The following ZNF131 variants were observed in gnomAD, a reference collection of about 807,000 sequenced individuals.
ZNF131 encodes the protein zinc finger protein 131.
Under a neutral mutation model 60.0 loss-of-function variants are expected in ZNF131, and 7 were observed. The ratio of observed to expected loss-of-function variants is 0.12; its 90% CI spans 0.07 to 0.22. The LOEUF (loss-of-function observed/expected upper bound fraction) is 0.22. ZNF131 is among the 10% of genes least tolerant of loss of function. The pLI is 1.00. For synonymous variants in ZNF131, 257 were observed against 253.2 expected, an observed-to-expected ratio of 1.01 and a Z score of -0.14; for missense variants, 493 against 740.9, an observed-to-expected ratio of 0.67 and a Z score of 3.88.
In ZNF131 at chr5:43,176,235, T is replaced by A. The variant is rs898842788; in HGVS notation, c.*1102T>A. 6.6e-6 allele frequency: 1 copy of A among 152,144 alleles called. No individual in the cohort carries two copies. Among genetic ancestry groups the A allele is most frequent in the African/African-American group, 2.4e-5 (1 of 41,440 alleles). 9.4% of individuals were successfully genotyped at this position (152,144 alleles called of 1,614,324 possible). A position where few individuals can be genotyped will look rare whatever the true frequency, so the allele number is the denominator to read the frequency against. Reference sequence around the variant, plus strand: ...TCAGTATTACTTGGAAAATAAAATATAACAAACCCATAGACCAATATGCTA... The same window carrying A: ...TCAGTATTACTTGGAAAATAAAATAAAACAAACCCATAGACCAATATGCTA... On this transcript the variant is annotated 3_prime_UTR_variant, in exon 7 of 7. Transcript: ENST00000682664.
In ZNF131 at chr5:43,136,356, G is replaced by C. The variant is rs186492037; in HGVS notation, c.227-2809G>C. On this transcript the variant is annotated intron_variant, in intron 3 of 6. Coordinates refer to ENST00000682664, the MANE Select transcript of ZNF131 (RefSeq NM_001330707.2). Reference sequence around the variant, plus strand: ...TCAATACAGTCCCTCTCAAAATCCTGATGGAATTTTTTTTGTTTTATGGAA... The same window carrying C: ...TCAATACAGTCCCTCTCAAAATCCTCATGGAATTTTTTTTGTTTTATGGAA... Among the ~76,000 whole-genome samples, 45 of 151,782 alleles carry C rather than the reference G, an allele frequency of 3.0e-4. No individual in the cohort carries two copies. The East Asian group carries it at 7.0e-3, about 24-fold the overall frequency.
In ZNF131 at chr5:43,122,181, G is replaced by T. The variant is rs759919117; in HGVS notation, c.124+4G>T. ...GACATCACCCTAATTGTCGACGGTG[G>T]GTAGGGCAGTGGGCAGAGGAGCGAA... On this transcript the variant is annotated splice_donor_region_variant and intron_variant, in intron 2 of 6. Coordinates refer to ENST00000682664, the MANE Select transcript of ZNF131 (RefSeq NM_001330707.2). The T allele has an allele frequency of 1.2e-6, 2 of 1,613,204 alleles. No individual in the cohort carries two copies. Among genetic ancestry groups the T allele is most frequent in the African/African-American group, 2.7e-5 (2 of 74,734 alleles).
intron 4 of ZNF131, 72 bp downstream of exon 4, chr5:43,139,381 A>G (rs1030140113): frequency 7.3e-6 from 10 of 1,371,956 alleles, no homozygotes; most frequent in African/African-American, 3.0e-5. Flanking sequence ...AAGAACTTAC[A>G]GTATGTGTCA....
At position 43,161,331 on chromosome 5, in the gene ZNF131, A is replaced by T; in HGVS notation, c.454A>T (p.Asn152Tyr). 6.2e-7 allele frequency: 1 copy of T among 1,614,232 alleles called. No individual in the cohort carries two copies. Among genetic ancestry groups the T allele is most frequent in the East Asian group, 2.2e-5 (1 of 44,890 alleles). The change falls in exon 5 of 7, where the codon AAT becomes TAT. Residue 152 changes from asparagine (N) to tyrosine (Y), a missense_variant. This residue lies in a region of ZNF131 where 138 missense variants were observed against 158.7 expected (regional missense o/e 0.87). Coordinates refer to ENST00000682664, the MANE Select transcript of ZNF131 (RefSeq NM_001330707.2). ...AKKRKIAETS[N>Y]VITESLPSAE... ...AAAAAGGAAGATTGCAGAAACTTCA[A>T]ATGTTATCACTGAGTCATTGCCATC...
At chr5:43,157,184 C>A (rs1048869786) in intron 4 of ZNF131, among the ~76,000 whole-genome samples, 2 of 152,126 alleles carry the variant, frequency 1.3e-5, no homozygotes, top group African/African-American at 4.8e-5. Context: ...ACTTGGAAAC[C>A]TTTTACTGTC....
chr5:43,122,264 T>G, intron 2 of ZNF131, 87 bp downstream of exon 2: 2 of 1,462,872 alleles, frequency 1.4e-6, no homozygotes, highest in East Asian at 2.3e-5. Flanking sequence ...TTTTTTTTTT[T>G]TTTTTAACCC....
chr5:43,129,843 C>T (rs193300505), intron 3 of ZNF131, among the ~76,000 whole-genome samples: 11 of 152,040 alleles, frequency 7.2e-5, no homozygotes, highest in African/African-American at 2.6e-4. Flanking sequence ...TTAGTAGAGA[C>T]GGCGGGGTTT....
chr5:43,134,787 G>A (rs1248847726), intron 3 of ZNF131, among the ~76,000 whole-genome samples: 39 of 129,240 alleles, frequency 3.0e-4, no homozygotes, highest in Non-Finnish European at 5.6e-4. Flanking sequence ...TGCAACCTCC[G>A]CCTCCTGGGT....
At chr5:43,128,968 G>T (rs2112150745) in intron 3 of ZNF131, among the ~76,000 whole-genome samples, 1 of 152,168 alleles carries the variant, frequency 6.6e-6, no homozygotes, top group Non-Finnish European at 1.5e-5. Context: ...GTCTCACTCT[G>T]TTGCCCAGGT....
At chr5:43,150,198 G>A (rs555573395) in intron 4 of ZNF131, among the ~76,000 whole-genome samples, 2 of 152,266 alleles carry the variant, frequency 1.3e-5, no homozygotes, top group East Asian at 3.9e-4. Flanking sequence ...AAGCAAACCT[G>A]CCTAACCTTT....
intron 3 of ZNF131, among the ~76,000 whole-genome samples, chr5:43,134,795 G>A (rs1427552830): frequency 6.9e-6 from 1 of 144,814 alleles, no homozygotes; most frequent in African/African-American, 2.6e-5. Flanking sequence ...CCGCCTCCTG[G>A]GTTCAAATGA....
intron 4 of ZNF131, among the ~76,000 whole-genome samples, chr5:43,148,466 G>A (rs1044527560): frequency 6.6e-6 from 1 of 152,214 alleles, no homozygotes; most frequent in Non-Finnish European, 1.5e-5. Context: ...ATATTGTCAA[G>A]GGTTTTTTAA....
intron 5 of ZNF131, chr5:43,168,093 T>G: frequency 1.1e-5 from 4 of 379,916 alleles, no homozygotes; most frequent in Non-Finnish European, 2.1e-5. Context: ...ACCCATCCCA[T>G]TCCCATGATA....
intron 4 of ZNF131, 21 bp downstream of exon 4, chr5:43,139,330 G>T: frequency 1.3e-6 from 2 of 1,587,918 alleles, no homozygotes; most frequent in South Asian, 1.2e-5. Context: ...TCTTTAATGG[G>T]GTTCAGATAG....
At chr5:43,122,736 T>C (rs1346799724) in intron 2 of ZNF131, among the ~76,000 whole-genome samples, 2 of 152,250 alleles carry the variant, frequency 1.3e-5, no homozygotes, top group African/African-American at 4.8e-5. Context: ...CAAGGTAACC[T>C]GTTTTTAAAA....
intron 4 of ZNF131, among the ~76,000 whole-genome samples, chr5:43,152,611 T>C (rs1748463344): frequency 6.6e-6 from 1 of 152,046 alleles, no homozygotes; most frequent in Admixed American, 6.5e-5. Context: ...GTGGTTTGTT[T>C]TGTTTTGTTT....
chr5:43,141,133 C>T (rs1746771824), intron 4 of ZNF131, among the ~76,000 whole-genome samples: 1 of 152,092 alleles, frequency 6.6e-6, no homozygotes, highest in African/African-American at 2.4e-5. Context: ...ACCTTTCTGA[C>T]AAGAGCTTGA....
At chr5:43,174,392 A>G (rs1262133154) in intron 6 of ZNF131, 55 bp from the exon 7 acceptor site, 9 of 1,420,022 alleles carry the variant, frequency 6.3e-6, no homozygotes, top group Non-Finnish European at 6.6e-6. Context: ...ATGCATTCAT[A>G]TTTCCTTCAG....
chr5:43,175,488 T>C lies in ZNF131; in HGVS notation c.*355T>C, dbSNP rs1387212067. On this transcript the variant is annotated 3_prime_UTR_variant, in exon 7 of 7. Transcript: ENST00000682664. ...TCTTCCTCAAATTTTTTCCATATTG[T>C]AAAATCAAACTTAAATCATTAGAAT... 1.4e-6 allele frequency: 1 copy of C among 699,360 alleles called. No homozygotes were observed. Among genetic ancestry groups the C allele is most frequent in the Non-Finnish European group, 2.6e-6 (1 of 384,226 alleles). 43.3% of individuals were successfully genotyped at this position (699,360 alleles called of 1,614,324 possible).
Sources: gnomAD v4.1 joint callset for allele counts (sites outside exome capture counted in the v4.1 genomes callset) on GRCh38, gnomAD v4.1.1 for gene constraint, gnomAD v4.1.1 regional missense constraint, MANE v1.5 for transcripts, NCBI Gene and HGNC (gene_info 2026-07-23, HGNC 2026-07-21) for gene names.